CDH18: variants seen among roughly 807,000 people sequenced by gnomAD.
The protein encoded by CDH18 is cadherin-18.
A neutral mutation model predicts 67.9 loss-of-function variants in CDH18; 31 were observed. The ratio of observed to expected loss-of-function variants is 0.46; its 90% CI spans 0.34 to 0.62. The LOEUF is 0.62. Ranked by LOEUF, CDH18 falls within the 20% of genes least tolerant of loss-of-function variation. CDH18 has a pLI of 0.01. For missense variants in CDH18, 890 were observed against 975.5 expected, an observed-to-expected ratio of 0.91 and a Z score of 1.17; for synonymous variants, 362 against 347.2, an observed-to-expected ratio of 1.04 and a Z score of -0.48.
intron 2 of CDH18, among the ~76,000 whole-genome samples, chr5:20,241,194 T>A (rs985374535): frequency 6.6e-6 from 1 of 152,178 alleles, no homozygotes; most frequent in Non-Finnish European, 1.5e-5. Flanking sequence ...ATTAACTTCT[T>A]GTAAAAGTGT....
At chr5:20,505,089 GT>G (rs1456831681) in intron 1 of CDH18, among the ~76,000 whole-genome samples, 1 of 122,712 alleles carries the variant, frequency 8.1e-6, no homozygotes, top group Non-Finnish European at 1.8e-5. Flanking sequence ...TTTAAGCAAA[GT>G]TACTAGTAAA....
At chr5:20,182,597 C>CAAAAAAAA (rs778083062) in intron 2 of CDH18, among the ~76,000 whole-genome samples, 10 of 47,328 alleles carry the variant, frequency 2.1e-4, no homozygotes, top group African/African-American at 3.1e-4. Flanking sequence ...AGCTAAATCT[C>CAAAAAAAA]AAAAAAAAAA....
At chr5:20,212,211 CA>C (rs1740407422) in intron 2 of CDH18, among the ~76,000 whole-genome samples, 2 of 151,836 alleles carry the variant, frequency 1.3e-5, no homozygotes, top group Non-Finnish European at 2.9e-5. Context: ...TGAAATGAAG[CA>C]AGAAGAGAAG....
chr5:19,593,026 T>A (rs1447028789), intron 6 of CDH18, among the ~76,000 whole-genome samples: 1 of 152,112 alleles, frequency 6.6e-6, no homozygotes, highest in East Asian at 1.9e-4. Context: ...CTAAATACTA[T>A]TCCATTGTTT....
intron 5 of CDH18, among the ~76,000 whole-genome samples, chr5:19,658,753 T>G (rs1412547568): frequency 6.6e-6 from 1 of 151,912 alleles, no homozygotes; most frequent in Non-Finnish European, 1.5e-5. Context: ...CTGCACCCAT[T>G]AACTCATCAT....
intron 1 of CDH18, among the ~76,000 whole-genome samples, chr5:20,284,342 G>A (rs13174926): frequency 0.28 from 42,909 of 151,582 alleles, 7,060 homozygotes; most frequent in Non-Finnish European, 0.36. Context: ...AAAATATCTC[G>A]TGTAACCCAT....
intron 10 of CDH18, 63 bp from the exon 11 acceptor site, chr5:19,503,172 C>T: frequency 1.3e-6 from 1 of 799,570 alleles, no homozygotes; most frequent in Non-Finnish European, 2.2e-6. Flanking sequence ...ATTTTAATTA[C>T]ACTGTATTAT....
At chr5:20,528,842 C>G (rs543552774) in intron 1 of CDH18, among the ~76,000 whole-genome samples, 2 of 151,704 alleles carry the variant, frequency 1.3e-5, no homozygotes, top group East Asian at 1.9e-4. Flanking sequence ...AACTAGAGAA[C>G]CAAGAACAAA....
At chr5:20,554,743 G>A (rs774847014) in intron 1 of CDH18, among the ~76,000 whole-genome samples, 1 of 152,202 alleles carries the variant, frequency 6.6e-6, no homozygotes, top group Non-Finnish European at 1.5e-5. Flanking sequence ...GCAGTAGTGA[G>A]TGGATGACTT....
At chr5:20,009,001 A>G (rs1436192378) in intron 2 of CDH18, among the ~76,000 whole-genome samples, 1 of 152,114 alleles carries the variant, frequency 6.6e-6, no homozygotes, top group Non-Finnish European at 1.5e-5. Flanking sequence ...TGTTATGTAC[A>G]CTCAAATAGG....
At chr5:20,268,577 C>T (rs1467027500) in intron 1 of CDH18, among the ~76,000 whole-genome samples, 1 of 152,026 alleles carries the variant, frequency 6.6e-6, no homozygotes, top group Non-Finnish European at 1.5e-5. Flanking sequence ...CTCTATAGCA[C>T]ATTTTAAAAA....
At chr5:20,548,564 A>C (rs2126612987) in intron 1 of CDH18, among the ~76,000 whole-genome samples, 1 of 152,196 alleles carries the variant, frequency 6.6e-6, no homozygotes, top group East Asian at 1.9e-4. Context: ...TATTTTAACA[A>C]TGCTCATCTC....
At chr5:20,252,724 C>T (rs940999448) in intron 2 of CDH18, among the ~76,000 whole-genome samples, 12 of 151,886 alleles carry the variant, frequency 7.9e-5, no homozygotes, top group South Asian at 4.2e-4. Flanking sequence ...GATCACGAGG[C>T]CAGGAGATGG....
intron 1 of CDH18, among the ~76,000 whole-genome samples, chr5:20,544,563 G>A (rs543290250): frequency 1.9e-3 from 285 of 150,546 alleles, no homozygotes; most frequent in Non-Finnish European, 2.8e-3. Flanking sequence ...ATCTTACATG[G>A]CAGAGGAGAG....
chr5:19,881,154 A>G (rs1439683417), intron 2 of CDH18, among the ~76,000 whole-genome samples: 2 of 152,196 alleles, frequency 1.3e-5, no homozygotes, highest in Non-Finnish European at 2.9e-5. Context: ...CAGATACAAT[A>G]TTAATAAGAA....
intron 8 of CDH18, among the ~76,000 whole-genome samples, chr5:19,563,642 G>T (rs148828976): frequency 6.6e-6 from 1 of 152,156 alleles, no homozygotes; most frequent in Non-Finnish European, 1.5e-5. Context: ...TTTCAAAAAG[G>T]TGATGATTGG....
intron 2 of CDH18, among the ~76,000 whole-genome samples, chr5:20,095,008 A>T (rs897222346): frequency 6.6e-6 from 1 of 152,084 alleles, no homozygotes; most frequent in East Asian, 1.9e-4. Context: ...CTTTTCAGGG[A>T]CATGGATGAA....
chr5:19,968,995 A>G (rs1307046978), intron 2 of CDH18, among the ~76,000 whole-genome samples: 1 of 135,228 alleles, frequency 7.4e-6, no homozygotes, highest in South Asian at 2.2e-4. Flanking sequence ...ACAAATTTAC[A>G]AGAAAAAAAC....
chr5:19,978,635 T>C (rs1313648149), intron 2 of CDH18, among the ~76,000 whole-genome samples: 3 of 152,178 alleles, frequency 2.0e-5, no homozygotes, highest in Admixed American at 6.5e-5. Flanking sequence ...TATTCCGTTC[T>C]AGAGGTACTA....
Sources: gnomAD v4.1 joint callset for allele counts (sites outside exome capture counted in the v4.1 genomes callset) on GRCh38, gnomAD v4.1.1 for gene constraint, MANE v1.5 for transcripts, NCBI Gene and HGNC (gene_info 2026-07-23, HGNC 2026-07-21) for gene names.